Variants in MNAT1 observed in about 807,000 individuals in gnomAD.
The protein encoded by MNAT1 is CDK-activating kinase assembly factor MAT1.
MNAT1 carries 43 observed loss-of-function variants against 42.0 expected under a neutral mutation model. The ratio of observed to expected loss-of-function variants is 1.02; its 90% CI spans 0.80 to 1.32. The LOEUF (loss-of-function observed/expected upper bound fraction) is 1.32. MNAT1 is among the 40% of genes most tolerant of loss of function. The pLI, the probability that MNAT1 is intolerant of heterozygous loss-of-function variation, is 0.00. For missense variants in MNAT1, 306 were observed against 350.4 expected (o/e 0.87, Z 1.01); for synonymous variants, 118 against 120.0 (o/e 0.98, Z 0.11).
At chr14:60,782,966 A>G (rs1484228986) in intron 1 of MNAT1, among the ~76,000 whole-genome samples, 2 of 152,232 alleles carry the variant, frequency 1.3e-5, no homozygotes, top group Non-Finnish European at 2.9e-5. Flanking sequence ...GAAGGCAGGG[A>G]TAAAATCTTA....
intron 7 of MNAT1, among the ~76,000 whole-genome samples, chr14:60,890,841 C>T (rs2034826806): frequency 6.6e-6 from 1 of 152,196 alleles, no homozygotes; most frequent in Admixed American, 6.6e-5. Context: ...GTCTGCCTCT[C>T]CCGGCTCACT....
Position 60,968,279 on chromosome 14 carries a change from A to G in MNAT1, c.860A>G (p.Tyr287Cys). The G allele has an allele frequency of 5.0e-6, 8 of 1,613,998 alleles. No individual in the cohort carries two copies. The highest frequency in any genetic ancestry group is 6.8e-6 in the Non-Finnish European group (8 of 1,179,912). Residue 287 changes from tyrosine (Y) to cysteine (C), a missense_variant, in exon 8 of 8, where the codon TAT becomes TGT. By Grantham distance (194) the Tyr-to-Cys change is radical. Transcript: ENST00000261245. ...AASPQDLAGGYTSSLACHRAL... is the reference protein window; with the variant it reads ...AASPQDLAGGCTSSLACHRAL... ...TCACCACAGGACCTTGCTGGAGGCTATACTTCTTCTCTTGCTTGTCACAGA... is the reference window on the plus strand; with the variant it reads ...TCACCACAGGACCTTGCTGGAGGCTGTACTTCTTCTCTTGCTTGTCACAGA...
chr14:60,796,806 A>G (rs1044233235), intron 2 of MNAT1, among the ~76,000 whole-genome samples: 13 of 152,182 alleles, frequency 8.5e-5, no homozygotes, highest in Non-Finnish European at 1.5e-5. Flanking sequence ...TAGATTGAGA[A>G]TAGTGCTATA....
chr14:60,962,898 A>G (rs997683042), intron 7 of MNAT1, among the ~76,000 whole-genome samples: 1 of 152,224 alleles, frequency 6.6e-6, no homozygotes, highest in African/African-American at 2.4e-5. Flanking sequence ...CTAGCTGGCT[A>G]GATGGTAAAG....
chr14:60,898,128 T>C (rs2034997365), intron 7 of MNAT1, among the ~76,000 whole-genome samples: 1 of 96,382 alleles, frequency 1.0e-5, no homozygotes, highest in Admixed American at 1.3e-4. Context: ...TGTGTGTGTG[T>C]GTGTGTGTGT....
rs572974165 is a variant in MNAT1 at position 60,842,004 on chromosome 14, T to G, written c.687+23157T>G. Among the ~76,000 whole-genome samples, 3 of 152,372 alleles carry G rather than the reference T, an allele frequency of 2.0e-5. No homozygotes were observed. The East Asian group carries it at 5.8e-4, about 29-fold the overall frequency. ...TGGTGTTCAGTAATTTCCACTCATGTGCAGCTCAAAACCCAGACAAAAGTT... is the reference window on the plus strand; with the variant it reads ...TGGTGTTCAGTAATTTCCACTCATGGGCAGCTCAAAACCCAGACAAAAGTT... On this transcript the variant is annotated intron_variant, in intron 6 of 7. Coordinates refer to ENST00000261245, the MANE Select transcript of MNAT1 (RefSeq NM_002431.4).
intron 1 of MNAT1, among the ~76,000 whole-genome samples, chr14:60,744,376 C>T (rs1229475887): frequency 1.3e-5 from 2 of 151,972 alleles, no homozygotes; most frequent in Non-Finnish European, 1.5e-5. Flanking sequence ...AAGTGATCTG[C>T]GTGCCTCGGC....
rs116383386 is a variant in MNAT1 at position 60,951,110 on chromosome 14, T to C, written c.810-17119T>C. Reference sequence around the variant, plus strand: ...AAACAGTTGTTAAATATTTCAAACATAGAGAAGCACAGAGAGTAATATAAT... The same window carrying C: ...AAACAGTTGTTAAATATTTCAAACACAGAGAAGCACAGAGAGTAATATAAT... On this transcript the variant is annotated intron_variant, in intron 7 of 7. Coordinates refer to ENST00000261245, the MANE Select transcript of MNAT1 (RefSeq NM_002431.4). Among the ~76,000 whole-genome samples, 994 of 152,228 alleles carry C rather than the reference T, an allele frequency of 6.5e-3. 13 individuals carry two copies. The highest frequency in any genetic ancestry group is 0.023 in the African/African-American group (954 of 41,538).
chr14:60,849,845 T>C (rs77116300), intron 6 of MNAT1, among the ~76,000 whole-genome samples: 2,514 of 146,918 alleles, frequency 0.017, 129 homozygotes, highest in East Asian at 0.16. Flanking sequence ...TCTTTCTTTC[T>C]TTTTTTTTTT....
At chr14:60,811,956 A>T (rs1234752021) in intron 4 of MNAT1, 31 bp from the exon 5 acceptor site, 3 of 1,532,806 alleles carry the variant, frequency 2.0e-6, no homozygotes, top group Non-Finnish European at 2.6e-6. Flanking sequence ...TCCTAAATTT[A>T]TTCCACGCCA....
chr14:60,833,563 T>G (rs1045176346), intron 6 of MNAT1, among the ~76,000 whole-genome samples: 2 of 152,242 alleles, frequency 1.3e-5, no homozygotes, highest in African/African-American at 4.8e-5. Context: ...TTGGATGTGC[T>G]GGTGGATTCA....
intron 7 of MNAT1, among the ~76,000 whole-genome samples, chr14:60,916,587 C>T (rs575880471): frequency 3.7e-4 from 56 of 152,088 alleles, no homozygotes; most frequent in Non-Finnish European, 5.9e-4. Context: ...CCTAGGAATT[C>T]GAGGCTGCAG....
At position 60,768,190 on chromosome 14, in the gene MNAT1, C is replaced by T. The variant is rs113990257; in HGVS notation, c.90-28027C>T. Among the ~76,000 whole-genome samples the T allele has an allele frequency of 1.3e-3, 202 of 152,242 alleles. 1 individual carries two copies. Among genetic ancestry groups the T allele is most frequent in the African/African-American group, 4.4e-3 (184 of 41,546 alleles). ...TGCTGGGTTTATAGGCGTGAGCCAC[C>T]GCGCCTGGCCCAGTTTAGTTTTTTG... On this transcript the variant is annotated intron_variant, in intron 1 of 7. Transcript: ENST00000261245.
intron 7 of MNAT1, among the ~76,000 whole-genome samples, chr14:60,900,618 A>G (rs2035053011): frequency 6.6e-6 from 1 of 152,200 alleles, no homozygotes; most frequent in Non-Finnish European, 1.5e-5. Flanking sequence ...AGCAAGATCT[A>G]CCAAGATATT....
intron 7 of MNAT1, among the ~76,000 whole-genome samples, chr14:60,959,619 G>A (rs1310982801): frequency 6.6e-6 from 1 of 152,188 alleles, no homozygotes; most frequent in Non-Finnish European, 1.5e-5. Flanking sequence ...TCTTTCTTTT[G>A]TGTGGTTATG....
chr14:60,903,722 T>C (rs2035121452), intron 7 of MNAT1, among the ~76,000 whole-genome samples: 1 of 152,182 alleles, frequency 6.6e-6, no homozygotes, highest in Admixed American at 6.5e-5. Flanking sequence ...GAATGTGGCA[T>C]TCTGTATACT....
At chr14:60,946,922 T>G (rs977999107) in intron 7 of MNAT1, among the ~76,000 whole-genome samples, 4 of 152,224 alleles carry the variant, frequency 2.6e-5, no homozygotes, top group African/African-American at 9.6e-5. Flanking sequence ...CTGATTTGAT[T>G]GCTGGCGAGG....
chr14:60,946,384 G>C (rs2036276710), intron 7 of MNAT1, among the ~76,000 whole-genome samples: 1 of 152,144 alleles, frequency 6.6e-6, no homozygotes. Context: ...TGATTTTGCT[G>C]ATTCACAATC....
At chr14:60,830,129 C>T (rs2033174108) in intron 6 of MNAT1, among the ~76,000 whole-genome samples, 1 of 152,002 alleles carries the variant, frequency 6.6e-6, no homozygotes, top group South Asian at 2.1e-4. Flanking sequence ...TTAAATTAAA[C>T]CTAGAGAAAA....
Sources: gnomAD v4.1 joint callset for allele counts (sites outside exome capture counted in the v4.1 genomes callset) on GRCh38, gnomAD v4.1.1 for gene constraint, MANE v1.5 for transcripts, NCBI Gene and HGNC (gene_info 2026-07-23, HGNC 2026-07-21) for gene names.